Variants in POP5 observed in about 807,000 individuals in gnomAD.
The protein encoded by POP5 is ribonuclease P/MRP protein subunit POP5.
Under a neutral mutation model 20.7 loss-of-function variants are expected in POP5, and 18 were observed. The observed-to-expected ratio is 0.87, with a 90% CI of 0.60 to 1.29. The LOEUF is 1.29. POP5 is among the 50% of genes most tolerant of loss of function. The pLI is 0.00. For missense variants in POP5, 200 were observed against 203.2 expected, an observed-to-expected ratio of 0.98 and a Z score of 0.10; for synonymous variants, 91 against 78.0, an observed-to-expected ratio of 1.17 and a Z score of -0.88.
chr12:120,581,317 G>A, intron 1 of POP5, 26 bp downstream of exon 1: 1 of 1,614,106 alleles, frequency 6.2e-7, no homozygotes, highest in Non-Finnish European at 8.5e-7. Flanking sequence ...GCAAGGCACT[G>A]GGAGGGTCTG....
In POP5 at chr12:120,579,759, CCA is replaced by C. The variant is rs773305104; in HGVS notation, c.313+13_313+14del. The C allele has an allele frequency of 4.4e-6, 7 of 1,597,736 alleles. 1 individual carries two copies. The South Asian group carries it at 7.7e-5, about 18-fold the overall frequency. On this transcript the variant is annotated intron_variant, in intron 3 of 4. Coordinates refer to ENST00000357500, the MANE Select transcript of POP5 (RefSeq NM_015918.4). ...CACCAATTGAAAATCAGTAGCCATACCACCTCACTCCTACCTCCCACATGTAA... is the reference window on the plus strand; with the variant it reads ...CACCAATTGAAAATCAGTAGCCATACCCTCACTCCTACCTCCCACATGTAA...
chr12:120,579,825 C>G lies in POP5; in HGVS notation c.262G>C (p.Glu88Gln), dbSNP rs150135150. 15 of 1,608,190 alleles carry G rather than the reference C, an allele frequency of 9.3e-6. No homozygotes were observed. Among genetic ancestry groups the G allele is most frequent in the Non-Finnish European group, 1.3e-5 (15 of 1,174,738 alleles). ...WSALPFITYL[E>Q]NKGHRYPCFF... ...CATGGGTAACGGTGTCCTTTGTTCT[C>G]CAAGTATGTGATGAAGGGAAGAGCT... Residue 88 changes from glutamate (E) to glutamine (Q), a missense_variant, in exon 3 of 5, where the codon GAG becomes CAG. By Grantham distance (29) the Glu-to-Gln change is conservative (BLOSUM62 2). Coordinates refer to ENST00000357500, the MANE Select transcript of POP5 (RefSeq NM_015918.4).
At position 120,579,034 on chromosome 12, in the gene POP5, A is replaced by G; in HGVS notation, c.*284T>C. The G allele has an allele frequency of 2.1e-6, 1 of 468,298 alleles. No individual in the cohort carries two copies. Among genetic ancestry groups the G allele is most frequent in the Non-Finnish European group, 3.9e-6 (1 of 256,268 alleles). The allele number at this position is 468,298 out of a possible 1,614,324, so 29.0% of individuals were successfully genotyped here. ...CTCCATAAGCCCTTTCTGTAATATA[A>G]GTATGCTAAATGCCACGGAAACCAG... On this transcript the variant is annotated 3_prime_UTR_variant, in exon 5 of 5. Coordinates refer to ENST00000357500, the MANE Select transcript of POP5 (RefSeq NM_015918.4).
rs1877863472 is a variant in POP5, at chr12:120,581,400, G to C, written c.-38C>G. On this transcript the variant is annotated 5_prime_UTR_variant, in exon 1 of 5. It adds an upstream start codon to the 5' untranslated region. Coordinates refer to ENST00000357500, the MANE Select transcript of POP5 (RefSeq NM_015918.4). Reference sequence around the variant, plus strand: ...GCTCTCCGGTCCGGCGTGCAAACCGGATGTGAATTCTGTCCGCTGCCAATG... The same window carrying C: ...GCTCTCCGGTCCGGCGTGCAAACCGCATGTGAATTCTGTCCGCTGCCAATG... The C allele has an allele frequency of 6.2e-7, 1 of 1,600,716 alleles. No homozygotes were observed. The highest frequency in any genetic ancestry group is 1.1e-5 in the South Asian group (1 of 89,454).
intron 2 of POP5, chr12:120,580,907 C>A: frequency 1.4e-6 from 1 of 699,814 alleles, no homozygotes. Context: ...AGGCTTCTAG[C>A]TCAAAGCCCC....
At chr12:120,579,435 A>T (rs1877733709) in intron 4 of POP5, 23 bp from the exon 5 acceptor site, 1 of 1,609,916 alleles carries the variant, frequency 6.2e-7, no homozygotes, top group African/African-American at 1.3e-5. Context: ...GATAACAGGG[A>T]TGAAAGATAT....
Position 120,579,173 on chromosome 12 carries a change from C to T in POP5, c.*145G>A, listed in dbSNP as rs1877702981. ...AAGGCAACTTCAGTTTAACTGAGTA[C>T]TCCATTTCAAGTGGGTAATGTCTGC... is the stretch of plus-strand genomic sequence containing the variant. On this transcript the variant is annotated 3_prime_UTR_variant, in exon 5 of 5. Coordinates refer to ENST00000357500, the MANE Select transcript of POP5 (RefSeq NM_015918.4). The T allele has an allele frequency of 2.8e-6, 2 of 711,026 alleles. No homozygotes were observed. The highest frequency in any genetic ancestry group is 2.4e-5 in the Admixed American group (1 of 42,462). The allele number at this position is 711,026 out of a possible 1,614,324, so 44.0% of individuals were successfully genotyped here. A position where few individuals can be genotyped will look rare whatever the true frequency, so the allele number is the denominator to read the frequency against.
At chr12:120,580,097 C>G in intron 2 of POP5, 174 bp from the exon 3 acceptor site, 1 of 580,056 alleles carries the variant, frequency 1.7e-6, no homozygotes, top group Admixed American at 3.2e-5. Flanking sequence ...CAAAAATTAG[C>G]TGGGTGTGGT....
At chr12:120,580,791 A>G (rs977790765) in intron 2 of POP5, 1 of 367,394 alleles carries the variant, frequency 2.7e-6, no homozygotes, top group African/African-American at 2.1e-5. Flanking sequence ...TCGGTCATAT[A>G]ATAGCTCTTA....
chr12:120,581,273 G>A lies in POP5; in HGVS notation c.21-16C>T. 1 of 1,614,206 alleles carries A rather than the reference G, an allele frequency of 6.2e-7. No individual in the cohort carries two copies. Among genetic ancestry groups the A allele is most frequent in the African/African-American group, 1.3e-5 (1 of 75,070 alleles). Reference sequence around the variant, plus strand: ...GAGCAGGTACCTGCGGCAGGCGAGAGGAAGGTGGACACTAGCGGGGCCGCG... The same window carrying A: ...GAGCAGGTACCTGCGGCAGGCGAGAAGAAGGTGGACACTAGCGGGGCCGCG... On this transcript the variant is annotated splice_polypyrimidine_tract_variant and intron_variant, in intron 1 of 4. Transcript: ENST00000357500.
rs1877695914 is a variant in POP5 at position 120,579,063 on chromosome 12, C to T, written c.*255G>A. On this transcript the variant is annotated 3_prime_UTR_variant, in exon 5 of 5. Transcript: ENST00000357500. ...TGCTAAATGCCACGGAAACCAGATACATTTATTAAATCTACTCTTAGCCAA... is the reference window on the plus strand; with the variant it reads ...TGCTAAATGCCACGGAAACCAGATATATTTATTAAATCTACTCTTAGCCAA... 3.7e-6 allele frequency: 2 copies of T among 538,522 alleles called. No individual in the cohort carries two copies. Among genetic ancestry groups the T allele is most frequent in the Non-Finnish European group, 6.7e-6 (2 of 300,470 alleles). The allele number at this position is 538,522 out of a possible 1,614,324, so 33.4% of individuals were successfully genotyped here. A position where few individuals can be genotyped will look rare whatever the true frequency, so the allele number is the denominator to read the frequency against.
chr12:120,579,793 G>C lies in POP5; in HGVS notation c.294C>G (p.Phe98Leu), dbSNP rs1165811156. The C allele has an allele frequency of 6.2e-7, 1 of 1,608,444 alleles. No homozygotes were observed. The highest frequency in any genetic ancestry group is 1.3e-5 in the African/African-American group (1 of 74,760). ...TCCTACCTCCCACATGTAATGTGTT[G>C]AAAAAGCATGGGTAACGGTGTCCTT... Reference protein sequence around the residue: ...ENKGHRYPCFFNTLHVGGTIR... With the variant: ...ENKGHRYPCFLNTLHVGGTIR... The change falls in exon 3 of 5, where the codon TTC (phenylalanine) becomes TTG (leucine). Residue 98 changes from phenylalanine to leucine, a missense_variant. Transcript: ENST00000357500.
Position 120,579,310 on chromosome 12 carries a change from GCAGAGGTT to G in POP5, c.492_*7del. ...AGCAGTGTAGCCAGCTGTGTGGGGA[GCAGAGGTT>G]CACTCCATTGCTTCTGCAGCCTCCT... On this transcript the variant is annotated stop_lost and 3_prime_UTR_variant, in exon 5 of 5. Coordinates refer to ENST00000357500, the MANE Select transcript of POP5 (RefSeq NM_015918.4). The G allele has an allele frequency of 1.2e-6, 2 of 1,611,710 alleles. No individual in the cohort carries two copies. The highest frequency in any genetic ancestry group is 1.7e-6 in the Non-Finnish European group (2 of 1,177,954).
Position 120,579,253 on chromosome 12 carries a change from T to C in POP5, c.*65A>G. Reference sequence around the variant, plus strand: ...GTGGAAGATGCTGTTGCTACCCAGATTGTTCTGTTCAACAAGTGGGCCTGA... The same window carrying C: ...GTGGAAGATGCTGTTGCTACCCAGACTGTTCTGTTCAACAAGTGGGCCTGA... On this transcript the variant is annotated 3_prime_UTR_variant, in exon 5 of 5. Transcript: ENST00000357500. 1 of 1,399,438 alleles carries C rather than the reference T, an allele frequency of 7.1e-7. No individual in the cohort carries two copies. Among genetic ancestry groups the C allele is most frequent in the Non-Finnish European group, 1.0e-6 (1 of 985,784 alleles). 86.7% of individuals were successfully genotyped at this position (1,399,438 alleles called of 1,614,324 possible). A position where few individuals can be genotyped will look rare whatever the true frequency, so the allele number is the denominator to read the frequency against.
rs374987913 is a variant in POP5, at chr12:120,581,371, C to T, written c.-9G>A. On this transcript the variant is annotated 5_prime_UTR_variant, in exon 1 of 5. Coordinates refer to ENST00000357500, the MANE Select transcript of POP5 (RefSeq NM_015918.4). The stretch of plus-strand genomic sequence containing the variant: ...TGCTTGAACCGCACCATGGCTGCCT[C>T]CGCGCTCTCCGGTCCGGCGTGCAAA... 3.7e-6 allele frequency: 6 copies of T among 1,610,984 alleles called. No homozygotes were observed. The African/African-American group carries it at 5.3e-5, about 14-fold the overall frequency.
chr12:120,581,261 C>T lies in POP5; in HGVS notation c.21-4G>A, dbSNP rs1269313666. The T allele has an allele frequency of 6.2e-7, 1 of 1,614,198 alleles. No individual in the cohort carries two copies. Among genetic ancestry groups the T allele is most frequent in the Non-Finnish European group, 8.5e-7 (1 of 1,180,036 alleles). ...CACCAGTTCGCAGAGCAGGTACCTG[C>T]GGCAGGCGAGAGGAAGGTGGACACT... On this transcript the variant is annotated splice_region_variant and splice_polypyrimidine_tract_variant and intron_variant, in intron 1 of 4. Transcript: ENST00000357500.
chr12:120,581,117 G>A lies in POP5; in HGVS notation c.161C>T (p.Ala54Val). The A allele has an allele frequency of 6.2e-7, 1 of 1,610,324 alleles. No homozygotes were observed. Among genetic ancestry groups the A allele is most frequent in the Non-Finnish European group, 8.5e-7 (1 of 1,179,848 alleles). Residue 54 changes from alanine to valine, a missense_variant and splice_region_variant, in exon 2 of 5, where the codon GCG becomes GTG. Transcript: ENST00000357500. Reference protein sequence around the residue: ...FGAAACSIGFAVRYLNAYTGI... With the variant: ...FGAAACSIGFVVRYLNAYTGI... Reference sequence around the variant, plus strand: ...CTCTTCCCCCAGCGCCCTTGCACCCGCGAAGCCGATGGAGCAGGCGGCTGC... The same window carrying A: ...CTCTTCCCCCAGCGCCCTTGCACCCACGAAGCCGATGGAGCAGGCGGCTGC...
At chr12:120,579,693 GC>G (rs1877757831) in intron 3 of POP5, 80 bp downstream of exon 3, 1 of 1,547,492 alleles carries the variant, frequency 6.5e-7, no homozygotes, top group South Asian at 1.1e-5. Context: ...CGGGACAGCA[GC>G]AAGACCCACC....
chr12:120,580,247 A>C (rs940217765), intron 2 of POP5: 7 of 249,962 alleles, frequency 2.8e-5, no homozygotes, highest in South Asian at 5.4e-5. Flanking sequence ...TCTCGAAAAA[A>C]GGAAAACTTT....
Sources: gnomAD v4.1 joint callset for allele counts on GRCh38, gnomAD v4.1.1 for gene constraint, MANE v1.5 for transcripts, NCBI Gene and HGNC (gene_info 2026-07-23, HGNC 2026-07-21) for gene names.